The following ELMO1 variants were observed in gnomAD, a reference collection of about 807,000 sequenced individuals.
The protein encoded by ELMO1 is engulfment and cell motility protein 1.
In ELMO1, 26 loss-of-function variants were observed where a neutral mutation model predicts 98.9. The observed-to-expected ratio is 0.26, with a 90% CI of 0.19 to 0.36. The LOEUF is 0.36. Ranked by LOEUF, ELMO1 falls within the 10% of genes least tolerant of loss-of-function variation. The pLI, the probability that ELMO1 is intolerant of heterozygous loss-of-function variation, is 1.00. For synonymous variants in ELMO1, 346 were observed against 346.0 expected (o/e 1.00, Z 0.00); for missense variants, 627 against 935.2 (o/e 0.67, Z 4.30).
intron 13 of ELMO1, among the ~76,000 whole-genome samples, chr7:37,155,178 C>A (rs1788646599): frequency 6.6e-6 from 1 of 152,194 alleles, no homozygotes; most frequent in Admixed American, 6.5e-5. Context: ...TGGATAGGAA[C>A]AACTGATATG....
chr7:37,045,016 C>T (rs573518918), intron 15 of ELMO1, among the ~76,000 whole-genome samples: 10 of 152,272 alleles, frequency 6.6e-5, no homozygotes, highest in South Asian at 2.1e-4. Context: ...AATATTACTA[C>T]GCCGGTATGA....
intron 16 of ELMO1, among the ~76,000 whole-genome samples, chr7:36,974,139 A>G (rs1790271642): frequency 6.6e-6 from 1 of 152,210 alleles, no homozygotes; most frequent in Non-Finnish European, 1.5e-5. Context: ...ACAGCGCAGG[A>G]CTGGCAGGCA....
At chr7:36,963,436 A>C in intron 16 of ELMO1, among the ~76,000 whole-genome samples, 1 of 152,056 alleles carries the variant, frequency 6.6e-6, no homozygotes, top group Non-Finnish European at 1.5e-5. Flanking sequence ...TTTGAACTGC[A>C]TGTCTTGATG....
intron 4 of ELMO1, 80 bp from the exon 5 acceptor site, chr7:37,271,962 C>T (rs938811135): frequency 8.7e-7 from 1 of 1,151,034 alleles, no homozygotes; most frequent in Non-Finnish European, 1.3e-6. Flanking sequence ...TATAATCTAG[C>T]AGATATAACA....
intron 15 of ELMO1, among the ~76,000 whole-genome samples, chr7:37,085,958 C>T (rs1584620590): frequency 6.6e-6 from 1 of 152,314 alleles, no homozygotes; most frequent in African/African-American, 2.4e-5. Context: ...TTGGAAAAGA[C>T]CAGAAGGGAA....
chr7:36,854,698 C>T lies in ELMO1; in HGVS notation c.*853G>A, dbSNP rs949913334. 4.6e-5 allele frequency: 7 copies of T among 152,616 alleles called. No individual in the cohort carries two copies. Among genetic ancestry groups the T allele is most frequent in the African/African-American group, 1.7e-4 (7 of 41,436 alleles). 9.5% of individuals were successfully genotyped at this position (152,616 alleles called of 1,614,324 possible). ...AAGGTAACACCAAACGCTTGGATAG[C>T]AACAGTCCGTCCTAGAGGCATTTAG... On this transcript the variant is annotated 3_prime_UTR_variant, in exon 22 of 22. Transcript: ENST00000310758.
At chr7:36,938,978 T>C (rs1428740150) in intron 16 of ELMO1, among the ~76,000 whole-genome samples, 1 of 152,038 alleles carries the variant, frequency 6.6e-6, no homozygotes, top group African/African-American at 2.4e-5. Flanking sequence ...CAGTGAGCTA[T>C]AATCGTACAA....
intron 13 of ELMO1, among the ~76,000 whole-genome samples, chr7:37,142,531 T>C (rs1441216972): frequency 6.6e-6 from 1 of 152,216 alleles, no homozygotes; most frequent in Non-Finnish European, 1.5e-5. Context: ...AATGATTTCA[T>C]TGGACAATAT....
At chr7:37,266,408 C>T (rs1796243557) in intron 5 of ELMO1, among the ~76,000 whole-genome samples, 1 of 152,092 alleles carries the variant, frequency 6.6e-6, no homozygotes, top group Non-Finnish European at 1.5e-5. Context: ...CTAAATAATG[C>T]TGATACCGGC....
intron 16 of ELMO1, among the ~76,000 whole-genome samples, chr7:36,964,216 G>A (rs1789210512): frequency 6.6e-6 from 1 of 152,112 alleles, no homozygotes. Context: ...GACTTATAAT[G>A]AGATTATGTC....
intron 1 of ELMO1, among the ~76,000 whole-genome samples, chr7:37,400,812 A>G (rs1287917889): frequency 6.6e-6 from 1 of 152,236 alleles, no homozygotes; most frequent in Non-Finnish European, 1.5e-5. Flanking sequence ...ACTGCTTTTT[A>G]AATGGCAAAG....
At chr7:37,219,785 G>A (rs1341402466) in intron 10 of ELMO1, among the ~76,000 whole-genome samples, 1 of 152,164 alleles carries the variant, frequency 6.6e-6, no homozygotes, top group Non-Finnish European at 1.5e-5. Flanking sequence ...TTATAAAACA[G>A]AAATAATGTG....
chr7:37,038,179 C>A (rs545210737), intron 15 of ELMO1, among the ~76,000 whole-genome samples: 1 of 152,186 alleles, frequency 6.6e-6, no homozygotes, highest in Non-Finnish European at 1.5e-5. Flanking sequence ...CTTCCCAGAG[C>A]CTCCAGCTCC....
intron 16 of ELMO1, among the ~76,000 whole-genome samples, chr7:36,975,257 G>A (rs959105913): frequency 1.1e-4 from 16 of 152,084 alleles, no homozygotes; most frequent in Non-Finnish European, 1.2e-4. Flanking sequence ...ATCACTTGAC[G>A]TCAGGAGTTC....
intron 4 of ELMO1, among the ~76,000 whole-genome samples, chr7:37,288,411 G>A (rs1797509568): frequency 6.6e-6 from 1 of 152,220 alleles, no homozygotes; most frequent in Non-Finnish European, 1.5e-5. Context: ...TATTAGTAGA[G>A]ATGGGGTTTC....
intron 7 of ELMO1, among the ~76,000 whole-genome samples, chr7:37,235,331 G>T (rs1794403130): frequency 6.6e-6 from 1 of 152,066 alleles, no homozygotes. Context: ...TAATAGACTG[G>T]GTAGGCATTA....
intron 2 of ELMO1, among the ~76,000 whole-genome samples, chr7:37,318,821 T>C (rs1462279555): frequency 6.6e-6 from 1 of 152,136 alleles, no homozygotes; most frequent in Non-Finnish European, 1.5e-5. Context: ...TCCAATAACC[T>C]TTTCACCGGT....
intron 1 of ELMO1, among the ~76,000 whole-genome samples, chr7:37,377,342 AG>A (rs1802394226): frequency 6.6e-6 from 1 of 151,800 alleles, no homozygotes; most frequent in Admixed American, 6.6e-5. Context: ...TGAAGGTGCC[AG>A]GCCATGTGTC....
At chr7:37,305,884 T>C (rs73344201) in intron 4 of ELMO1, among the ~76,000 whole-genome samples, 2 of 152,336 alleles carry the variant, frequency 1.3e-5, no homozygotes, top group Admixed American at 6.5e-5. Context: ...GATAAAGCGA[T>C]GTAGGTCCTG....
Sources: allele counts gnomAD v4.1 joint callset (sites outside exome capture counted in the v4.1 genomes callset), GRCh38; gene constraint gnomAD v4.1.1; transcripts MANE v1.5; gene names NCBI Gene and HGNC (gene_info 2026-07-23, HGNC 2026-07-21).